PPARGC1B: variants seen among roughly 807,000 people sequenced by gnomAD.
PPARGC1B encodes peroxisome proliferator-activated receptor gamma coactivator 1-beta.
Under a neutral mutation model 101.6 loss-of-function variants are expected in PPARGC1B, and 34 were observed. The observed-to-expected ratio is 0.33, with a 90% CI of 0.25 to 0.45. PPARGC1B has a LOEUF of 0.45. Among genes scored for constraint, PPARGC1B ranks in the 20% least tolerant of loss-of-function variants. The pLI is 1.00. For missense variants in PPARGC1B, 1,234 were observed against 1,317.6 expected, an observed-to-expected ratio of 0.94 and a Z score of 0.98; for synonymous variants, 548 against 539.3, an observed-to-expected ratio of 1.02 and a Z score of -0.22.
In PPARGC1B at chr5:149,852,385, ACTC is replaced by A. The variant is rs541856970; in HGVS notation, c.*4833_*4835del. On this transcript the variant is annotated 3_prime_UTR_variant, in exon 12 of 12. Transcript: ENST00000309241. ...CAACCAGGAGCATTGGGAATCCATC[ACTC>A]CTCCTTGAAACTGATTCCATTCTCT... 2.4e-3 allele frequency: 362 copies of A among 151,866 alleles called. 2 individuals carry two copies. Among genetic ancestry groups the A allele is most frequent in the African/African-American group, 8.3e-3 (342 of 41,408 alleles). The allele number at this position is 151,866 out of a possible 1,614,324, so 9.4% of individuals were successfully genotyped here. A position where few individuals can be genotyped will look rare whatever the true frequency, so the allele number is the denominator to read the frequency against.
chr5:149,825,145 C>T (rs1415347416), intron 2 of PPARGC1B, among the ~76,000 whole-genome samples: 6 of 152,208 alleles, frequency 3.9e-5, no homozygotes, highest in African/African-American at 9.6e-5. Flanking sequence ...CTAGAAGCCA[C>T]GTGCTCTCCA....
At chr5:149,793,022 A>G (rs971894416) in intron 1 of PPARGC1B, among the ~76,000 whole-genome samples, 1 of 152,006 alleles carries the variant, frequency 6.6e-6, no homozygotes, top group Admixed American at 6.6e-5. Context: ...TTGTGGCCAC[A>G]TACCCTCAGC....
In PPARGC1B at chr5:149,751,113, G is replaced by A. The variant is rs190932904; in HGVS notation, c.78+20693G>A. Reference sequence around the variant, plus strand: ...TTTACTTTTATATTTTGGTTGTTTTGTTTAGCAAATGTAATATGGATTTTT... The same window carrying A: ...TTTACTTTTATATTTTGGTTGTTTTATTTAGCAAATGTAATATGGATTTTT... On this transcript the variant is annotated intron_variant, in intron 1 of 11. Coordinates refer to ENST00000309241, the MANE Select transcript of PPARGC1B (RefSeq NM_133263.4). 9.2e-5 allele frequency among the ~76,000 whole-genome samples: 14 copies of A among 152,126 alleles called. No individual in the cohort carries two copies. In the East Asian group the frequency reaches 1.9e-3, roughly 21 times the overall value.
rs781681730 is a variant in PPARGC1B, at chr5:149,847,502, T to A, written c.3016T>A (p.Tyr1006Asn). Residue 1006 changes from tyrosine (Y) to asparagine (N), a missense_variant, in exon 12 of 12, where the codon TAT becomes AAT. By Grantham distance (143) the Tyr-to-Asn change is moderately radical. Around this residue, in one of 3 missense-constraint regions of PPARGC1B, gnomAD observed 497 missense variants for 529.5 expected, o/e 0.94. Transcript: ENST00000309241. ...EALPASGKSK[Y>N]EAMDFDSLLK... ...CCTTCCTGCGTCAGGGAAAAGCAAG[T>A]ATGAAGCCATGGATTTTGACAGCTT... is the stretch of plus-strand genomic sequence containing the variant. 2.5e-5 allele frequency: 41 copies of A among 1,614,038 alleles called. No individual in the cohort carries two copies. The highest frequency in any genetic ancestry group is 3.3e-5 in the Non-Finnish European group (39 of 1,180,042).
In PPARGC1B at chr5:149,839,992, A is replaced by G. The variant is rs202052924; in HGVS notation, c.2619-49A>G. 7.0e-5 allele frequency: 108 copies of G among 1,543,918 alleles called. No homozygotes were observed. In the Admixed American group the frequency reaches 1.3e-3, roughly 19 times the overall value. On this transcript the variant is annotated intron_variant, in intron 8 of 11. Coordinates refer to ENST00000309241, the MANE Select transcript of PPARGC1B (RefSeq NM_133263.4). The stretch of plus-strand genomic sequence containing the variant: ...CTGGAGCAGATCCGCCCCCACCCCC[A>G]TGGTATCTCCCGAGAGTGAGTGCCT...
Position 149,763,240 on chromosome 5 carries a change from C to G in PPARGC1B, c.78+32820C>G, listed in dbSNP as rs111840336. Reference sequence around the variant, plus strand: ...CATTCTGGATTCCTCAGGGGAGCTTCATCGTGGCCCCAGGTTCTTGGGTGA... The same window carrying G: ...CATTCTGGATTCCTCAGGGGAGCTTGATCGTGGCCCCAGGTTCTTGGGTGA... On this transcript the variant is annotated intron_variant, in intron 1 of 11. Coordinates refer to ENST00000309241, the MANE Select transcript of PPARGC1B (RefSeq NM_133263.4). Among the ~76,000 whole-genome samples the G allele has an allele frequency of 7.9e-5, 12 of 152,380 alleles. 2 individuals are homozygous for G. Among genetic ancestry groups the G allele is most frequent in the African/African-American group, 2.9e-4 (12 of 41,602 alleles).
chr5:149,732,188 A>G (rs1233537286), intron 1 of PPARGC1B, among the ~76,000 whole-genome samples: 4 of 152,072 alleles, frequency 2.6e-5, no homozygotes, highest in Non-Finnish European at 5.9e-5. Flanking sequence ...GTCTGCGCCG[A>G]AGGCAGGTCC....
At chr5:149,818,257 G>A (rs1233213967) in intron 1 of PPARGC1B, among the ~76,000 whole-genome samples, 3 of 152,162 alleles carry the variant, frequency 2.0e-5, no homozygotes, top group Non-Finnish European at 4.4e-5. Context: ...AGAATTACAT[G>A]TTTTGTTTGT....
At chr5:149,830,046 AAAAAAAAAG>A (rs1561602141) in intron 3 of PPARGC1B, among the ~76,000 whole-genome samples, 134 of 120,498 alleles carry the variant, frequency 1.1e-3, no homozygotes, top group African/African-American at 4.3e-3. Flanking sequence ...AAAAAAAAAA[AAAAAAAAAG>A]AAAAAAAAAA....
intron 1 of PPARGC1B, among the ~76,000 whole-genome samples, chr5:149,768,370 G>A (rs937379149): frequency 6.6e-6 from 1 of 151,962 alleles, no homozygotes; most frequent in South Asian, 2.1e-4. Flanking sequence ...CACCTCCCAG[G>A]CTCAAGCAAT....
At chr5:149,739,005 A>G (rs552719733) in intron 1 of PPARGC1B, among the ~76,000 whole-genome samples, 82 of 152,346 alleles carry the variant, frequency 5.4e-4, no homozygotes, top group Admixed American at 1.8e-3. Context: ...CTGGATTGAA[A>G]GCTCTGGGAG....
At chr5:149,809,128 T>TAGAC (rs1404105521) in intron 1 of PPARGC1B, among the ~76,000 whole-genome samples, 1 of 129,964 alleles carries the variant, frequency 7.7e-6, no homozygotes, top group Non-Finnish European at 1.6e-5. Flanking sequence ...GATAGATAGA[T>TAGAC]AGATAGATAG....
intron 1 of PPARGC1B, among the ~76,000 whole-genome samples, chr5:149,733,273 AT>A (rs1290868894): frequency 3.3e-5 from 5 of 152,226 alleles, no homozygotes; most frequent in Admixed American, 3.3e-4. Flanking sequence ...AAGTACGGAA[AT>A]TTAGCAGAAC....
chr5:149,750,453 AATATATATATATATATAT>A (rs55971526), intron 1 of PPARGC1B, among the ~76,000 whole-genome samples: 11,100 of 123,222 alleles, frequency 0.09, 809 homozygotes, highest in South Asian at 0.14. Context: ...TTTTAGTTAA[AATATATATATATATATAT>A]ATATATATAT....
At chr5:149,739,818 A>C (rs1580998340) in intron 1 of PPARGC1B, among the ~76,000 whole-genome samples, 1 of 152,216 alleles carries the variant, frequency 6.6e-6, no homozygotes, top group East Asian at 1.9e-4. Flanking sequence ...GAGTTCTCTC[A>C]TGAGATGCTC....
At chr5:149,749,617 A>G (rs547350577) in intron 1 of PPARGC1B, among the ~76,000 whole-genome samples, 9 of 152,258 alleles carry the variant, frequency 5.9e-5, no homozygotes, top group African/African-American at 7.2e-5. Flanking sequence ...ATTGATCTCT[A>G]TGTAATTTAG....
chr5:149,832,825 G>A lies in PPARGC1B; in HGVS notation c.752G>A (p.Gly251Asp), dbSNP rs958899763. ...CCTGCCAAGGAGGACAAGGAGCCGG[G>A]TGAGGACTGCCCGAGCCCCCAGCCA... Reference protein sequence around the residue: ...RLPAKEDKEPGEDCPSPQPAP... With the variant: ...RLPAKEDKEPDEDCPSPQPAP... The change falls in exon 5 of 12, where the codon GGT (glycine) becomes GAT (aspartate). Residue 251 changes from glycine (G) to aspartate (D), a missense_variant. Transcript: ENST00000309241. This position sits in a 1 kb window ranked among gnomAD's most constrained non-coding sequence, Gnocchi z 4.9. The A allele has an allele frequency of 6.2e-6, 10 of 1,611,102 alleles. No individual in the cohort carries two copies. The East Asian group carries it at 8.9e-5, about 14-fold the overall frequency.
chr5:149,743,403 C>T (rs1754980466), intron 1 of PPARGC1B, among the ~76,000 whole-genome samples: 1 of 152,068 alleles, frequency 6.6e-6, no homozygotes, highest in Non-Finnish European at 1.5e-5. Flanking sequence ...TGATTGCCTG[C>T]TTTGGCCTCC....
At chr5:149,835,161 G>T in intron 6 of PPARGC1B, 140 bp from the exon 7 acceptor site, 3 of 771,932 alleles carry the variant, frequency 3.9e-6, no homozygotes. Flanking sequence ...CCCCCAGAGC[G>T]AATGCATCTC....
Sources: gnomAD v4.1 joint callset for allele counts (sites outside exome capture counted in the v4.1 genomes callset) on GRCh38, gnomAD v4.1.1 for gene constraint, gnomAD v4.1.1 regional missense constraint, Gnocchi (gnomAD v3.1) non-coding constraint, MANE v1.5 for transcripts, NCBI Gene and HGNC (gene_info 2026-07-23, HGNC 2026-07-21) for gene names.